The following CLYBL variants were observed in gnomAD, a reference collection of about 807,000 sequenced individuals.
CLYBL encodes the protein citramalyl-CoA lyase, mitochondrial.
In CLYBL, 31 loss-of-function variants were observed where a neutral mutation model predicts 38.9. The observed-to-expected ratio is 0.80, with a 90% CI of 0.60 to 1.08. CLYBL has a LOEUF of 1.08. CLYBL is among the 50% of genes least tolerant of loss of function. The probability of loss-of-function intolerance (pLI) is 0.00; values close to 1 mark genes in which losing one functional copy is unlikely to be tolerated. For synonymous variants in CLYBL, 171 were observed against 158.6 expected, an observed-to-expected ratio of 1.08 and a Z score of -0.59; for missense variants, 434 against 411.6, an observed-to-expected ratio of 1.05 and a Z score of -0.47.
At chr13:99,625,235 C>G (rs1456483395) in intron 1 of CLYBL, among the ~76,000 whole-genome samples, 2 of 152,224 alleles carry the variant, frequency 1.3e-5, no homozygotes, top group East Asian at 3.8e-4. Context: ...TTCTGGGAAC[C>G]TGGGGGAAAC....
intron 1 of CLYBL, among the ~76,000 whole-genome samples, chr13:99,636,183 C>T (rs190960011): frequency 4.8e-4 from 73 of 152,226 alleles, no homozygotes; most frequent in African/African-American, 1.7e-3. Flanking sequence ...ATTATGTTTT[C>T]GAAATAACAA....
At chr13:99,620,525 C>G (rs2046776743) in intron 1 of CLYBL, among the ~76,000 whole-genome samples, 1 of 152,186 alleles carries the variant, frequency 6.6e-6, no homozygotes, top group Non-Finnish European at 1.5e-5. Context: ...GCCTGTAATC[C>G]CAGCACTTTG....
At chr13:99,897,644 T>C (rs530371222), downstream of CLYBL, among the ~76,000 whole-genome samples, 214 of 152,280 alleles carry the variant, frequency 1.4e-3, 1 homozygote, top group African/African-American at 5.0e-3. Context: ...GCATGCAACA[T>C]GTAAACATAT....
intron 2 of CLYBL, among the ~76,000 whole-genome samples, chr13:99,830,806 TC>T (rs1394608118): frequency 6.6e-6 from 1 of 152,236 alleles, no homozygotes; most frequent in Non-Finnish European, 1.5e-5. Context: ...ATGCTTCCAG[TC>T]GTGGATTGCA....
intron 2 of CLYBL, among the ~76,000 whole-genome samples, chr13:99,794,766 A>G (rs1191605931): frequency 6.6e-6 from 1 of 151,800 alleles, no homozygotes; most frequent in Non-Finnish European, 1.5e-5. Context: ...TAATTTTTGT[A>G]TTTTTGGTAG....
At chr13:99,649,340 A>C (rs946645566) in intron 1 of CLYBL, among the ~76,000 whole-genome samples, 3 of 152,218 alleles carry the variant, frequency 2.0e-5, no homozygotes, top group Admixed American at 1.3e-4. Context: ...GGTTTTAACT[A>C]AAATACTACT....
chr13:99,714,057 G>A (rs552856556), intron 1 of CLYBL, among the ~76,000 whole-genome samples: 8 of 151,646 alleles, frequency 5.3e-5, no homozygotes, highest in East Asian at 1.9e-4. Flanking sequence ...GTACAATCTC[G>A]GCTCATTGCA....
At chr13:99,802,583 A>G (rs1424183492) in intron 2 of CLYBL, among the ~76,000 whole-genome samples, 1 of 152,200 alleles carries the variant, frequency 6.6e-6, no homozygotes, top group Admixed American at 6.5e-5. Flanking sequence ...GCAGTACACA[A>G]GTTCTCACTT....
intron 7 of CLYBL, among the ~76,000 whole-genome samples, chr13:99,888,522 G>A (rs1308117596): frequency 1.3e-5 from 2 of 152,070 alleles, no homozygotes; most frequent in South Asian, 2.1e-4. Context: ...GGCCGAGGTG[G>A]GCAGATCAGC....
intron 1 of CLYBL, among the ~76,000 whole-genome samples, chr13:99,736,008 CAG>C (rs2048659897): frequency 6.8e-6 from 1 of 146,224 alleles, no homozygotes; most frequent in African/African-American, 2.5e-5. Flanking sequence ...TTGTTTGAAA[CAG>C]AATTACTATA....
At chr13:99,733,063 C>A (rs1055514318) in intron 1 of CLYBL, among the ~76,000 whole-genome samples, 1 of 152,146 alleles carries the variant, frequency 6.6e-6, no homozygotes, top group African/African-American at 2.4e-5. Context: ...TAATTCGCAT[C>A]TGTTATGTGT....
At chr13:99,637,550 CAGG>C (rs1209172409) in intron 1 of CLYBL, among the ~76,000 whole-genome samples, 2 of 152,162 alleles carry the variant, frequency 1.3e-5, no homozygotes, top group East Asian at 3.9e-4. Flanking sequence ...CACCTGAGGT[CAGG>C]AGTTCAAGAG....
chr13:99,842,901 T>C (rs1437773032), intron 2 of CLYBL, among the ~76,000 whole-genome samples: 4 of 152,022 alleles, frequency 2.6e-5, no homozygotes, highest in Non-Finnish European at 4.4e-5. Flanking sequence ...CTGGGCAACA[T>C]AGCAAAACCC....
intron 7 of CLYBL, among the ~76,000 whole-genome samples, chr13:99,881,861 A>G (rs959590409): frequency 2.0e-5 from 3 of 152,200 alleles, no homozygotes; most frequent in South Asian, 2.1e-4. Context: ...AATGTCACTC[A>G]TATATTGTAT....
At chr13:99,613,891 T>C (rs562119961) in intron 1 of CLYBL, among the ~76,000 whole-genome samples, 1 of 152,152 alleles carries the variant, frequency 6.6e-6, no homozygotes, top group South Asian at 2.1e-4. Context: ...AAAAATGATA[T>C]TTTGGATTGT....
chr13:99,833,683 C>CT (rs35378080), intron 2 of CLYBL, among the ~76,000 whole-genome samples: 33,303 of 55,982 alleles, frequency 0.59, 13,299 homozygotes, highest in East Asian at 0.64. Flanking sequence ...TACCGTGTTG[C>CT]TTTTTTTTTT....
intron 1 of CLYBL, among the ~76,000 whole-genome samples, chr13:99,707,321 G>A (rs2048161146): frequency 1.3e-5 from 2 of 152,060 alleles, no homozygotes; most frequent in Non-Finnish European, 2.9e-5. Flanking sequence ...CCAGACTGGA[G>A]TGTAGTGGTG....
chr13:99,676,998 A>G (rs2047663300), intron 1 of CLYBL, among the ~76,000 whole-genome samples: 1 of 150,748 alleles, frequency 6.6e-6, no homozygotes, highest in African/African-American at 2.4e-5. Flanking sequence ...ACAAAGTTGG[A>G]CAGTAGAGCT....
At chr13:99,669,266 T>C (rs1417891708) in intron 1 of CLYBL, among the ~76,000 whole-genome samples, 1 of 152,076 alleles carries the variant, frequency 6.6e-6, no homozygotes, top group Non-Finnish European at 1.5e-5. Context: ...CCTCCTAAAG[T>C]GCTGGGATTA....
Sources: gnomAD v4.1 joint callset for allele counts (sites outside exome capture counted in the v4.1 genomes callset) on GRCh38, gnomAD v4.1.1 for gene constraint, MANE v1.5 for transcripts, NCBI Gene and HGNC (gene_info 2026-07-23, HGNC 2026-07-21) for gene names.